Variants in SEMA3A observed in about 807,000 individuals in gnomAD.
SEMA3A encodes semaphorin 3A, also known as semaphorin-3A.
SEMA3A carries 29 observed loss-of-function variants against 97.9 expected under a neutral mutation model. The observed-to-expected ratio is 0.30, with a 90% CI of 0.22 to 0.40. The LOEUF is 0.40. Among genes scored for constraint, SEMA3A ranks in the 10% least tolerant of loss-of-function variants. The pLI is 1.00. For missense variants in SEMA3A, 763 were observed against 951.3 expected (o/e 0.80, Z 2.60); for synonymous variants, 321 against 323.7 (o/e 0.99, Z 0.09).
At chr7:84,235,594 GT>G (rs1261661947) in intron 3 of SEMA3A, among the ~76,000 whole-genome samples, 1 of 151,844 alleles carries the variant, frequency 6.6e-6, no homozygotes, top group Non-Finnish European at 1.5e-5. Flanking sequence ...TTTTTAAAAA[GT>G]AGTTTGGGTA....
At chr7:84,091,261 AAG>A (rs1271204980) in intron 4 of SEMA3A, among the ~76,000 whole-genome samples, 7 of 147,470 alleles carry the variant, frequency 4.7e-5, no homozygotes, top group Non-Finnish European at 7.5e-5. Flanking sequence ...GAACGAAGGA[AAG>A]AGAAAAAGAA....
intron 3 of SEMA3A, among the ~76,000 whole-genome samples, chr7:84,295,541 A>T (rs1039918620): frequency 6.6e-6 from 1 of 152,006 alleles, no homozygotes. Flanking sequence ...TGACTGTGTG[A>T]TTTGGGACAA....
intron 1 of SEMA3A, among the ~76,000 whole-genome samples, chr7:84,392,582 C>T (rs537855306): frequency 2.6e-5 from 4 of 152,190 alleles, no homozygotes; most frequent in Admixed American, 6.5e-5. Context: ...TGGGTGAAAA[C>T]GCAGAAGTGG....
Position 83,981,345 on chromosome 7 carries a change from G to C in SEMA3A, c.1628C>G (p.Ser543Cys). 1 of 1,613,956 alleles carries C rather than the reference G, an allele frequency of 6.2e-7. No individual in the cohort carries two copies. Among genetic ancestry groups the C allele is most frequent in the Non-Finnish European group, 8.5e-7 (1 of 1,179,928 alleles). ...CCTCTTTGCAGTGGGAAAATAGCGA[G>C]AACATGCAGAACCATCCCAAGCACA... ...PYCAWDGSAC[S>C]RYFPTAKRRT... The change falls in exon 14 of 17, where the codon TCT (serine) becomes TGT (cysteine). Residue 543 changes from serine (S) to cysteine (C), a missense_variant. Ser to Cys is a moderately radical substitution (Grantham distance 112). Transcript: ENST00000265362.
chr7:84,029,714 G>C (rs902263186), intron 6 of SEMA3A, among the ~76,000 whole-genome samples: 1 of 151,846 alleles, frequency 6.6e-6, no homozygotes, highest in Non-Finnish European at 1.5e-5. Flanking sequence ...TGTCATTTGA[G>C]AATATCTGAT....
rs534307777 is a variant in SEMA3A at position 84,039,112 on chromosome 7, T to C, written c.667+7212A>G. ...TGTCTACTTTGCATAGAGGTGTATA[T>C]AGGTAACAGCAGCAGCAATCACAGT... On this transcript the variant is annotated intron_variant, in intron 6 of 16. Coordinates refer to ENST00000265362, the MANE Select transcript of SEMA3A (RefSeq NM_006080.3). 4.9e-4 allele frequency among the ~76,000 whole-genome samples: 75 copies of C among 152,274 alleles called. 1 individual carries two copies. The highest frequency in any genetic ancestry group is 1.5e-4 in the Non-Finnish European group (10 of 68,008).
chr7:84,044,105 G>A lies in SEMA3A; in HGVS notation c.667+2219C>T, dbSNP rs567802506. Among the ~76,000 whole-genome samples the A allele has an allele frequency of 2.0e-5, 3 of 151,864 alleles. No individual in the cohort carries two copies. The East Asian group carries it at 5.8e-4, about 29-fold the overall frequency. On this transcript the variant is annotated intron_variant, in intron 6 of 16. Transcript: ENST00000265362. Reference sequence around the variant, plus strand: ...TAGATCAAAGTCTTCTTTCTAAATAGAAAAACAAACATTTTCCCTCCCACA... The same window carrying A: ...TAGATCAAAGTCTTCTTTCTAAATAAAAAAACAAACATTTTCCCTCCCACA...
intron 5 of SEMA3A, among the ~76,000 whole-genome samples, chr7:84,050,338 G>A (rs1186255692): frequency 6.6e-6 from 1 of 152,152 alleles, no homozygotes; most frequent in Non-Finnish European, 1.5e-5. Flanking sequence ...GTGTAAAAGT[G>A]TTCCTATTTC....
intron 1 of SEMA3A, among the ~76,000 whole-genome samples, chr7:84,488,085 T>C (rs910573553): frequency 5.3e-5 from 8 of 152,080 alleles, no homozygotes; most frequent in African/African-American, 1.9e-4. Flanking sequence ...ATGAATATCC[T>C]GTGTTTATAC....
chr7:84,443,130 T>C (rs1236318150), intron 1 of SEMA3A, among the ~76,000 whole-genome samples: 1 of 152,122 alleles, frequency 6.6e-6, no homozygotes, highest in Non-Finnish European at 1.5e-5. Context: ...AACAGACTTA[T>C]GTAGAACACG....
At chr7:84,068,497 A>T (rs1163891799) in intron 4 of SEMA3A, among the ~76,000 whole-genome samples, 1 of 151,814 alleles carries the variant, frequency 6.6e-6, no homozygotes, top group Non-Finnish European at 1.5e-5. Context: ...AAAGACCTAT[A>T]CTCTATTGTC....
intron 2 of SEMA3A, among the ~76,000 whole-genome samples, chr7:84,329,777 AG>A (rs1281886472): frequency 6.6e-6 from 1 of 152,064 alleles, no homozygotes; most frequent in African/African-American, 2.4e-5. Context: ...GCAAAATAAG[AG>A]GGAACACAGT....
chr7:84,058,138 G>A (rs2115672321), intron 5 of SEMA3A, among the ~76,000 whole-genome samples: 1 of 152,310 alleles, frequency 6.6e-6, no homozygotes, highest in African/African-American at 2.4e-5. Flanking sequence ...CCAGTTTACA[G>A]ATGGTTTGAG....
chr7:84,217,763 CAA>C (rs5885405), intron 3 of SEMA3A, among the ~76,000 whole-genome samples: 18 of 142,180 alleles, frequency 1.3e-4, no homozygotes, highest in Non-Finnish European at 1.5e-4. Flanking sequence ...TCTGTCTCTT[CAA>C]AAAAAAAAAA....
Position 84,144,881 on chromosome 7 carries a change from C to G in SEMA3A, c.113-9930G>C, listed in dbSNP as rs11982245. On this transcript the variant is annotated intron_variant, in intron 1 of 16. Coordinates refer to ENST00000265362, the MANE Select transcript of SEMA3A (RefSeq NM_006080.3). ...CATCACTTGCCTCCTTAAAACCTGGCTAGAGATTTTCATTATCTATGAGAT... is the reference window on the plus strand; with the variant it reads ...CATCACTTGCCTCCTTAAAACCTGGGTAGAGATTTTCATTATCTATGAGAT... 6.3e-3 allele frequency among the ~76,000 whole-genome samples: 959 copies of G among 152,218 alleles called. 9 individuals are homozygous for G. The highest frequency in any genetic ancestry group is 0.027 in the Middle Eastern group (8 of 294).
Position 84,151,032 on chromosome 7 carries a change from T to C in SEMA3A, c.113-16081A>G, listed in dbSNP as rs573968975. 2.7e-4 allele frequency among the ~76,000 whole-genome samples: 40 copies of C among 147,152 alleles called. 1 individual carries two copies. The highest frequency in any genetic ancestry group is 1.2e-3 in the East Asian group (6 of 5,030). On this transcript the variant is annotated intron_variant, in intron 1 of 16. Transcript: ENST00000265362. The stretch of plus-strand genomic sequence containing the variant: ...CAACAGACCTGCAGCTGAGGGTCCT[T>C]TCTGTTAGAAGGAAAACTAACAAAC...
chr7:84,374,414 T>C (rs959268751), intron 1 of SEMA3A, among the ~76,000 whole-genome samples: 1 of 152,234 alleles, frequency 6.6e-6, no homozygotes. Flanking sequence ...CCCATTAAGA[T>C]ACATATATTA....
rs1554384466 is a variant in SEMA3A at position 84,426,277 on chromosome 7, C to CAGACAGAT, written c.-245-54378_-245-54377insATCTGTCT. ...AGAGAGATAGATATAGATATATAGA[C>CAGACAGAT]AGATAGATAGATAGATAGATAGATA... On this transcript the variant is annotated intron_variant, in intron 1 of 3. Coordinates refer to the SEMA3A transcript ENST00000424555. Among the ~76,000 whole-genome samples the CAGACAGAT allele has an allele frequency of 8.4e-4, 112 of 133,114 alleles. 1 individual carries two copies. Among genetic ancestry groups the CAGACAGAT allele is most frequent in the African/African-American group, 2.9e-3 (103 of 34,930 alleles). The allele number at this position is 133,114 out of a possible 152,430, so 87.3% of individuals were successfully genotyped here. A position where few individuals can be genotyped will look rare whatever the true frequency, so the allele number is the denominator to read the frequency against.
intron 3 of SEMA3A, among the ~76,000 whole-genome samples, chr7:84,256,361 A>G (rs1029575211): frequency 6.6e-6 from 1 of 152,098 alleles, no homozygotes; most frequent in African/African-American, 2.4e-5. Context: ...ATATATTCTT[A>G]AAGCTCTATT....
Sources: allele counts gnomAD v4.1 joint callset (sites outside exome capture counted in the v4.1 genomes callset), GRCh38; gene constraint gnomAD v4.1.1; transcripts MANE v1.5; gene names NCBI Gene and HGNC (gene_info 2026-07-23, HGNC 2026-07-21).